Variants in DAB1 observed in about 807,000 individuals in gnomAD.
DAB1 encodes the protein DAB adaptor protein 1.
A neutral mutation model predicts 64.6 loss-of-function variants in DAB1; 15 were observed. The observed-to-expected ratio is 0.23, with a 90% confidence interval of 0.16 to 0.36. The LOEUF (loss-of-function observed/expected upper bound fraction) is 0.36. Among genes scored for constraint, DAB1 ranks in the 10% least tolerant of loss-of-function variants. DAB1 has a pLI of 1.00. For synonymous variants in DAB1, 235 were observed against 251.9 expected, an observed-to-expected ratio of 0.93 and a Z score of 0.64; for missense variants, 596 against 706.7, an observed-to-expected ratio of 0.84 and a Z score of 1.78.
At chr1:58,034,601 T>A (rs758595717) in intron 5 of DAB1, among the ~76,000 whole-genome samples, 1 of 152,058 alleles carries the variant, frequency 6.6e-6, no homozygotes, top group South Asian at 2.1e-4. Flanking sequence ...AGAAGGTGAG[T>A]TCGAATTGGA....
chr1:57,846,185 C>A (rs1234960507), intron 1 of DAB1, among the ~76,000 whole-genome samples: 1 of 152,030 alleles, frequency 6.6e-6, no homozygotes, highest in Non-Finnish European at 1.5e-5. Context: ...TGTGGCCAGG[C>A]ATGGTGGCTC....
At chr1:57,248,903 A>G (rs962871681) in intron 2 of DAB1, among the ~76,000 whole-genome samples, 2 of 152,214 alleles carry the variant, frequency 1.3e-5, no homozygotes, top group East Asian at 1.9e-4. Context: ...AGTCCCTTGC[A>G]GTTGCAGCAT....
chr1:57,724,104 C>T (rs920977724), intron 6 of DAB1, among the ~76,000 whole-genome samples: 6 of 151,914 alleles, frequency 3.9e-5, no homozygotes, highest in Middle Eastern at 3.2e-3. Flanking sequence ...ATGGACAAGC[C>T]GGGGTAGTAA....
intron 7 of DAB1, among the ~76,000 whole-genome samples, chr1:57,479,517 C>T (rs1028896262): frequency 1.3e-5 from 2 of 151,226 alleles, no homozygotes; most frequent in African/African-American, 4.9e-5. Flanking sequence ...TATCATAGTA[C>T]CCAAAAGTTT....
At chr1:57,997,848 G>A (rs1646449406) in intron 5 of DAB1, among the ~76,000 whole-genome samples, 1 of 151,846 alleles carries the variant, frequency 6.6e-6, no homozygotes, top group Admixed American at 6.6e-5. Context: ...ATGACTACAA[G>A]TGTATTCTGT....
At chr1:57,910,263 T>C (rs1009181966) in intron 5 of DAB1, among the ~76,000 whole-genome samples, 1 of 152,188 alleles carries the variant, frequency 6.6e-6, no homozygotes, top group Admixed American at 6.5e-5. Flanking sequence ...AATTGCATTC[T>C]TGAGCCACAG....
At chr1:58,387,540 A>C (rs2100552310) in intron 3 of DAB1, among the ~76,000 whole-genome samples, 2 of 152,306 alleles carry the variant, frequency 1.3e-5, no homozygotes, top group South Asian at 4.1e-4. Context: ...GCTGTGAACG[A>C]AGATGTCTTA....
intron 1 of DAB1, among the ~76,000 whole-genome samples, chr1:57,833,592 T>C (rs1037413558): frequency 6.6e-6 from 1 of 151,944 alleles, no homozygotes; most frequent in Non-Finnish European, 1.5e-5. Context: ...AGATGTAGAG[T>C]TGAATAAATA....
chr1:57,894,651 A>G (rs746310372), intron 5 of DAB1, among the ~76,000 whole-genome samples: 11 of 152,164 alleles, frequency 7.2e-5, no homozygotes, highest in African/African-American at 1.4e-4. Context: ...AATGGGAAAA[A>G]AAACTCGAAG....
At chr1:57,807,664 T>C (rs1651426661) in intron 6 of DAB1, among the ~76,000 whole-genome samples, 2 of 152,052 alleles carry the variant, frequency 1.3e-5, no homozygotes, top group African/African-American at 2.4e-5. Flanking sequence ...GATCCACTTA[T>C]ACCTACAATT....
intron 4 of DAB1, among the ~76,000 whole-genome samples, chr1:58,201,719 C>T (rs183984992): frequency 6.6e-6 from 1 of 152,178 alleles, no homozygotes; most frequent in African/African-American, 2.4e-5. Context: ...AACTGATATC[C>T]GATCTCCTGC....
intron 1 of DAB1, among the ~76,000 whole-genome samples, chr1:57,413,621 G>T (rs1193557391): frequency 6.6e-6 from 1 of 151,542 alleles, no homozygotes; most frequent in Non-Finnish European, 1.5e-5. Flanking sequence ...GCAGGTGCCT[G>T]TACTCCCAAA....
chr1:57,824,362 C>T (rs113588447), downstream of DAB1, among the ~76,000 whole-genome samples: 451 of 152,190 alleles, frequency 3.0e-3, 5 homozygotes, highest in Middle Eastern at 0.01. Context: ...AGCACACAGA[C>T]GTACTATATT....
At chr1:57,255,563 G>A (rs537770060) in intron 2 of DAB1, among the ~76,000 whole-genome samples, 1 of 152,264 alleles carries the variant, frequency 6.6e-6, no homozygotes, top group Admixed American at 6.5e-5. Flanking sequence ...GGGAGGCTGA[G>A]GTGGGAGAAT....
At chr1:57,901,306 G>A (rs1644470412) in intron 5 of DAB1, among the ~76,000 whole-genome samples, 1 of 152,108 alleles carries the variant, frequency 6.6e-6, no homozygotes, top group South Asian at 2.1e-4. Flanking sequence ...ACCGCAGAAA[G>A]CATTTGCTAT....
chr1:57,773,583 C>T (rs755686409), intron 6 of DAB1, among the ~76,000 whole-genome samples: 1 of 151,812 alleles, frequency 6.6e-6, no homozygotes, highest in African/African-American at 2.4e-5. Flanking sequence ...CGTATCTACC[C>T]CAAGGTTATG....
At chr1:58,180,529 A>G (rs1403090858) in intron 4 of DAB1, among the ~76,000 whole-genome samples, 1 of 151,872 alleles carries the variant, frequency 6.6e-6, no homozygotes, top group Non-Finnish European at 1.5e-5. Context: ...TTCTGAGCTC[A>G]AGCAATCCTC....
Position 58,323,392 on chromosome 1 carries a change from A to C in DAB1, n.309+19960T>G, listed in dbSNP as rs185662578. Among the ~76,000 whole-genome samples, 5 of 152,190 alleles carry C rather than the reference A, an allele frequency of 3.3e-5. No individual in the cohort carries two copies. In the East Asian group the frequency reaches 9.7e-4, roughly 29 times the overall value. ...CAAAATACTCAACAGTCTGCCTGTA[A>C]GTCTGTTCTCTTTTTAGTATTCTGA... is the stretch of plus-strand genomic sequence containing the variant. On this transcript the variant is annotated intron_variant and non_coding_transcript_variant, in intron 4 of 20. Coordinates refer to the DAB1 transcript ENST00000485760.
At chr1:58,377,560 G>A (rs954233355) in intron 3 of DAB1, among the ~76,000 whole-genome samples, 2 of 137,978 alleles carry the variant, frequency 1.4e-5, no homozygotes, top group African/African-American at 5.4e-5. Flanking sequence ...CTGTTAGTCT[G>A]ATGGGCTTCC....
Sources: allele counts gnomAD v4.1 joint callset (sites outside exome capture counted in the v4.1 genomes callset), GRCh38; gene constraint gnomAD v4.1.1; transcripts MANE v1.5; gene names NCBI Gene and HGNC (gene_info 2026-07-23, HGNC 2026-07-21).